NBN: variants seen among roughly 807,000 people sequenced by gnomAD.
The protein encoded by NBN is Nijmegen breakage syndrome 1 (nibrin).
In NBN, 88 loss-of-function variants were observed where a neutral mutation model predicts 90.8. That is an observed-to-expected ratio of 0.97 (90% CI 0.82 to 1.16). The LOEUF (loss-of-function observed/expected upper bound fraction) is 1.16, where lower values mean the gene tolerates loss of function less well. Among genes scored for constraint, NBN ranks in the 50% most tolerant of loss-of-function variants. The pLI is 0.00. For missense variants in NBN, 894 were observed against 869.6 expected, an observed-to-expected ratio of 1.03 and a Z score of -0.35; for synonymous variants, 328 against 295.1, an observed-to-expected ratio of 1.11 and a Z score of -1.14.
intron 8 of NBN, among the ~76,000 whole-genome samples, chr8:89,961,421 G>A (rs144120236): frequency 2.0e-5 from 3 of 152,322 alleles, no homozygotes; most frequent in African/African-American, 7.2e-5. Context: ...TATATCCAAA[G>A]TAGGAAGAAA....
chr8:89,940,124 C>A (rs1162102219), intron 14 of NBN, among the ~76,000 whole-genome samples: 3 of 151,994 alleles, frequency 2.0e-5, no homozygotes, highest in African/African-American at 7.3e-5. Flanking sequence ...CTTGCTCTGT[C>A]ACCAAGGCTG....
intron 8 of NBN, among the ~76,000 whole-genome samples, chr8:89,962,734 A>G (rs146587681): frequency 6.6e-6 from 1 of 152,152 alleles, no homozygotes; most frequent in Admixed American, 6.5e-5. Flanking sequence ...AGACACAAAC[A>G]TATGTAGTAT....
At chr8:89,976,945 T>C (rs1811785596) in intron 5 of NBN, among the ~76,000 whole-genome samples, 1 of 152,226 alleles carries the variant, frequency 6.6e-6, no homozygotes, top group African/African-American at 2.4e-5. Context: ...AGACAGCTGT[T>C]ATCCGGTATA....
rs748513310 is a variant in NBN, at chr8:89,955,524, C to CT, written c.1155dup (p.Val386SerfsTer27). The CT allele has an allele frequency of 6.2e-7, 1 of 1,613,356 alleles. No individual in the cohort carries two copies. The highest frequency in any genetic ancestry group is 1.1e-5 in the South Asian group (1 of 91,052). ...CTGAATTTTTGTTCCATTTTGGAGACTTTGATTTCTTTTGGCCTTTCACTC... is the reference window on the plus strand; with the variant it reads ...CTGAATTTTTGTTCCATTTTGGAGACTTTTGATTTCTTTTGGCCTTTCACTC... On this transcript the variant is annotated frameshift_variant, in exon 10 of 16. Transcript: ENST00000265433. LOFTEE classifies it high-confidence loss of function.
At chr8:89,957,602 A>G (rs1810785848) in intron 9 of NBN, among the ~76,000 whole-genome samples, 1 of 152,194 alleles carries the variant, frequency 6.6e-6, no homozygotes, top group Admixed American at 6.5e-5. Flanking sequence ...CTTACCCAGA[A>G]CAGCTTCCAG....
In NBN at chr8:89,971,404, G is replaced by A. The variant is rs996532097; in HGVS notation, c.585-114C>T. 1.1e-5 allele frequency: 13 copies of A among 1,224,968 alleles called. No individual in the cohort carries two copies. In the Admixed American group the frequency reaches 3.3e-4, roughly 31 times the overall value. 75.9% of individuals were successfully genotyped at this position (1,224,968 alleles called of 1,614,324 possible). A position where few individuals can be genotyped will look rare whatever the true frequency, so the allele number is the denominator to read the frequency against. On this transcript the variant is annotated intron_variant, in intron 5 of 15. Coordinates refer to ENST00000265433, the MANE Select transcript of NBN (RefSeq NM_002485.5). ...GCATAATTTCCATAATACCTTTATA[G>A]TATTTTTTTTAAGTAAGAATTTTAT...
Position 89,946,172 on chromosome 8 carries a change from C to CATAATCAT in NBN, c.2030_2037dup (p.Gly680MetfsTer6), listed in dbSNP as rs1036111786. On this transcript the variant is annotated frameshift_variant, in exon 13 of 16. Transcript: ENST00000265433. LOFTEE classifies it high-confidence loss of function. The stretch of plus-strand genomic sequence containing the variant: ...AATTTCTTGAAATTTTTTAGTTGAC[C>CATAATCAT]ATAATCATCATTTATGCCAGATGGA... The CATAATCAT allele has an allele frequency of 3.1e-6, 5 of 1,600,428 alleles. No individual in the cohort carries two copies. The highest frequency in any genetic ancestry group is 4.3e-6 in the Non-Finnish European group (5 of 1,168,448).
At chr8:89,950,528 C>T (rs1035037674) in intron 11 of NBN, among the ~76,000 whole-genome samples, 1 of 152,100 alleles carries the variant, frequency 6.6e-6, no homozygotes, top group Admixed American at 6.5e-5. Context: ...AGAGGGCCAA[C>T]TGTATCTCAA....
intron 5 of NBN, among the ~76,000 whole-genome samples, chr8:89,971,738 T>G (rs910171451): frequency 6.6e-6 from 1 of 152,198 alleles, no homozygotes; most frequent in African/African-American, 2.4e-5. Flanking sequence ...TTGTTAGAGA[T>G]CTCTTTGGAG....
chr8:89,984,481 C>A (rs1404272248), intron 1 of NBN, 44 bp downstream of exon 1: 4 of 1,577,422 alleles, frequency 2.5e-6, no homozygotes, highest in East Asian at 2.2e-5. Flanking sequence ...CCGAGGCAGT[C>A]GCTACCGGGA....
intron 2 of NBN, chr8:89,982,390 A>C (rs753306127): frequency 1.1e-4 from 41 of 362,954 alleles, no homozygotes; most frequent in Non-Finnish European, 1.9e-4. Flanking sequence ...ATTACTGCTA[A>C]TGGCAAAAAC....
At chr8:89,968,780 C>G (rs943548780) in intron 7 of NBN, among the ~76,000 whole-genome samples, 4 of 152,156 alleles carry the variant, frequency 2.6e-5, no homozygotes, top group African/African-American at 7.2e-5. Flanking sequence ...ACTTGTCTTT[C>G]TCTGTCTCTG....
intron 14 of NBN, among the ~76,000 whole-genome samples, chr8:89,940,083 T>G (rs1465721502): frequency 1.4e-4 from 21 of 152,000 alleles, no homozygotes; most frequent in Admixed American, 1.4e-3. Context: ...AATTTTTATT[T>G]TATTTATTAT....
rs61754796 is a variant in NBN, at chr8:89,971,247, C to A, written c.628G>T (p.Val210Phe). Reference protein sequence around the residue: ...LDEPSIGSKNVDLSGRQERKQ... With the variant: ...LDEPSIGSKNFDLSGRQERKQ... ...CTTTCCTGCCGTCCTGACAGATCAA[C>A]ATTTTTACTTCCAATAGATGGTTCA... The change falls in exon 6 of 16, where the codon GTT becomes TTT. Residue 210 changes from valine to phenylalanine, a missense_variant. Coordinates refer to ENST00000265433, the MANE Select transcript of NBN (RefSeq NM_002485.5). 7.6e-4 allele frequency: 1,219 copies of A among 1,613,198 alleles called. 1 individual carries two copies. Among genetic ancestry groups the A allele is most frequent in the Non-Finnish European group, 9.4e-4 (1,111 of 1,179,460 alleles).
chr8:89,937,764 A>G (rs777442531), intron 14 of NBN, among the ~76,000 whole-genome samples: 11 of 152,288 alleles, frequency 7.2e-5, no homozygotes, highest in Middle Eastern at 3.4e-3. Flanking sequence ...TTACTTTCCT[A>G]ATCACTTCTC....
At position 89,942,742 on chromosome 8, in the gene NBN, A is replaced by C. The variant is rs1810007002; in HGVS notation, c.2184+511T>G. On this transcript the variant is annotated intron_variant, in intron 14 of 15. Transcript: ENST00000265433. ...AAAAATATAACCCAGGGAAACAAAG[A>C]AATGAAATACACAGGAAAGACAAAT... Among the ~76,000 whole-genome samples, 3 of 150,568 alleles carry C rather than the reference A, an allele frequency of 2.0e-5. No homozygotes were observed. The South Asian group carries it at 6.2e-4, about 31-fold the overall frequency.
intron 7 of NBN, among the ~76,000 whole-genome samples, chr8:89,965,746 T>A (rs1315703425): frequency 6.6e-6 from 1 of 152,162 alleles, no homozygotes; most frequent in Admixed American, 6.5e-5. Flanking sequence ...CTCCTCGGCC[T>A]CCCAAAGTGC....
Position 89,946,922 on chromosome 8 carries a change from T to C in NBN, c.1915-627A>G, listed in dbSNP as rs869312605. ...TTCTTGGCTTCGTGTCATTTACTATTAACTAGTCAGTTACACATCAACATT... is the reference window on the plus strand; with the variant it reads ...TTCTTGGCTTCGTGTCATTTACTATCAACTAGTCAGTTACACATCAACATT... On this transcript the variant is annotated intron_variant, in intron 12 of 15. Transcript: ENST00000265433. 6.6e-6 allele frequency among the ~76,000 whole-genome samples: 1 copy of C among 152,178 alleles called. No homozygotes were observed. The highest frequency in any genetic ancestry group is 2.4e-5 in the African/African-American group (1 of 41,440).
rs560077066 is a variant in NBN at position 89,983,369 on chromosome 8, T to C, written c.38-514A>G. 1.3e-4 allele frequency among the ~76,000 whole-genome samples: 19 copies of C among 151,692 alleles called. No homozygotes were observed. The South Asian group carries it at 2.9e-3, about 23-fold the overall frequency. Reference sequence around the variant, plus strand: ...ACTGCTTGAACCCAGGGGATGGAGGTTGCAGTGAGCCGACACAGTGCCACT... The same window carrying C: ...ACTGCTTGAACCCAGGGGATGGAGGCTGCAGTGAGCCGACACAGTGCCACT... On this transcript the variant is annotated intron_variant, in intron 1 of 15. Coordinates refer to ENST00000265433, the MANE Select transcript of NBN (RefSeq NM_002485.5).
Sources: gnomAD v4.1 joint callset for allele counts (sites outside exome capture counted in the v4.1 genomes callset) on GRCh38, gnomAD v4.1.1 for gene constraint, MANE v1.5 for transcripts, NCBI Gene and HGNC (gene_info 2026-07-23, HGNC 2026-07-21) for gene names.